Variants in RAPGEF2 observed in about 807,000 individuals in gnomAD.
RAPGEF2 encodes the protein PDZ domain containing guanine nucleotide exchange factor (GEF) 1.
In RAPGEF2, 54 loss-of-function variants were observed where a neutral mutation model predicts 186.7. The observed-to-expected ratio is 0.29, with a 90% CI of 0.23 to 0.36. The LOEUF (loss-of-function observed/expected upper bound fraction) is 0.36. Among genes scored for constraint, RAPGEF2 ranks in the 10% least tolerant of loss-of-function variants. RAPGEF2 has a pLI of 1.00. For missense variants in RAPGEF2, 1,532 were observed against 2,045.0 expected (o/e 0.75, Z 4.84); for synonymous variants, 712 against 705.9 (o/e 1.01, Z -0.14).
chr4:159,196,098 A>G lies in RAPGEF2; in HGVS notation c.197+2842A>G, dbSNP rs572435602. On this transcript the variant is annotated intron_variant, in intron 3 of 29. Transcript: ENST00000691494. ...AAAGTCTTTGGATATTCCACAAATT[A>G]TGATTTCATAAGGCCCAAAATTCAG... is the stretch of plus-strand genomic sequence containing the variant. Among the ~76,000 whole-genome samples, 8 of 152,268 alleles carry G rather than the reference A, an allele frequency of 5.3e-5. No individual in the cohort carries two copies. In the South Asian group the frequency reaches 1.7e-3, roughly 32 times the overall value.
At chr4:159,299,565 A>G (rs766881710) in intron 7 of RAPGEF2, among the ~76,000 whole-genome samples, 1 of 152,106 alleles carries the variant, frequency 6.6e-6, no homozygotes, top group Non-Finnish European at 1.5e-5. Flanking sequence ...ACGGAAAGGA[A>G]GAAGAAGGGC....
intron 7 of RAPGEF2, among the ~76,000 whole-genome samples, chr4:159,244,757 G>A (rs751628439): frequency 1.3e-4 from 19 of 151,740 alleles, no homozygotes; most frequent in Non-Finnish European, 2.5e-4. Flanking sequence ...ATAATTTTTC[G>A]AATTAAAATG....
chr4:159,289,905 T>C (rs1760972097), intron 7 of RAPGEF2, among the ~76,000 whole-genome samples: 1 of 152,044 alleles, frequency 6.6e-6, no homozygotes, highest in South Asian at 2.1e-4. Context: ...TAGATTTATA[T>C]ATTTAGTACA....
chr4:159,306,055 T>A (rs1041863251), intron 8 of RAPGEF2, among the ~76,000 whole-genome samples: 1 of 151,190 alleles, frequency 6.6e-6, no homozygotes, highest in Non-Finnish European at 1.5e-5. Context: ...GTTTTAGTTA[T>A]TATAACCTTG....
chr4:159,182,402 T>A (rs556438783), intron 1 of RAPGEF2, among the ~76,000 whole-genome samples: 3,514 of 142,194 alleles, frequency 0.025, 152 homozygotes, highest in African/African-American at 0.087. Context: ...TTTTTTTTTT[T>A]TTTTTTTTTT....
chr4:159,298,721 T>G (rs1452270936), intron 7 of RAPGEF2, among the ~76,000 whole-genome samples: 2 of 152,168 alleles, frequency 1.3e-5, no homozygotes, highest in Non-Finnish European at 2.9e-5. Flanking sequence ...CTGGGTGAGT[T>G]TGGCCACGAA....
At chr4:159,160,341 A>G (rs1051236208) in intron 1 of RAPGEF2, among the ~76,000 whole-genome samples, 11 of 152,216 alleles carry the variant, frequency 7.2e-5, no homozygotes, top group African/African-American at 2.7e-4. Context: ...CTCCCAACCC[A>G]GTGAAGAACA....
rs374420269 is a variant in RAPGEF2, at chr4:159,268,257, T to C, written c.543+24466T>C. On this transcript the variant is annotated intron_variant, in intron 7 of 29. Coordinates refer to ENST00000691494, the MANE Select transcript of RAPGEF2 (RefSeq NM_001394067.2). ...CTGCTTGTGCTTTGATAGCACGTCA[T>C]AGAGAACTGCTTTAAAATGGGAATT... 78 of 1,432,254 alleles carry C rather than the reference T, an allele frequency of 5.4e-5. No individual in the cohort carries two copies. The African/African-American group carries it at 8.4e-4, about 16-fold the overall frequency. The allele number at this position is 1,432,254 out of a possible 1,614,324, so 88.7% of individuals were successfully genotyped here.
chr4:159,295,750 TGTGTGCGCGCGC>T (rs1201588618), intron 7 of RAPGEF2, among the ~76,000 whole-genome samples: 9 of 104,564 alleles, frequency 8.6e-5, no homozygotes, highest in African/African-American at 1.9e-4. Flanking sequence ...TGTGTGTGTG[TGTGTGCGCGCGC>T]GCGCGCGCGC....
At chr4:159,126,378 T>C (rs1262840933) in intron 1 of RAPGEF2, among the ~76,000 whole-genome samples, 1 of 152,160 alleles carries the variant, frequency 6.6e-6, no homozygotes, top group Non-Finnish European at 1.5e-5. Context: ...TCATCATTCT[T>C]ACCAAGCTGG....
At chr4:159,173,308 C>A (rs745886416) in intron 1 of RAPGEF2, among the ~76,000 whole-genome samples, 1 of 152,076 alleles carries the variant, frequency 6.6e-6, no homozygotes, top group Non-Finnish European at 1.5e-5. Context: ...TGACCTATTC[C>A]GCTTTGCTTT....
chr4:159,108,383 C>CTTTT (rs35882271), intron 1 of RAPGEF2, among the ~76,000 whole-genome samples: 60 of 107,470 alleles, frequency 5.6e-4, no homozygotes, highest in East Asian at 1.3e-3. Context: ...ACAGAACTTT[C>CTTTT]TTTTTTTTTT....
chr4:159,340,990 TA>T (rs1260638843), intron 19 of RAPGEF2, among the ~76,000 whole-genome samples: 1 of 152,222 alleles, frequency 6.6e-6, no homozygotes, highest in Non-Finnish European at 1.5e-5. Context: ...GTAGAGTTTT[TA>T]TGAAAATCCA....
At chr4:159,322,541 A>T (rs947156935) in intron 10 of RAPGEF2, 58 bp downstream of exon 10, 5 of 1,454,770 alleles carry the variant, frequency 3.4e-6, no homozygotes, top group Non-Finnish European at 4.8e-6. Flanking sequence ...TCAATACAGC[A>T]ATTGAACAAA....
chr4:159,168,650 A>G (rs1409047933), intron 1 of RAPGEF2, among the ~76,000 whole-genome samples: 3 of 152,208 alleles, frequency 2.0e-5, no homozygotes, highest in Admixed American at 1.3e-4. Flanking sequence ...GTAAAAGGGT[A>G]TACTTTGAAA....
chr4:159,164,662 T>A (rs943542393), intron 1 of RAPGEF2, among the ~76,000 whole-genome samples: 3 of 152,194 alleles, frequency 2.0e-5, no homozygotes, highest in Non-Finnish European at 4.4e-5. Flanking sequence ...TACATTCATA[T>A]AATGTGGGTG....
chr4:159,115,788 A>G (rs776555433), intron 1 of RAPGEF2, among the ~76,000 whole-genome samples: 2 of 152,214 alleles, frequency 1.3e-5, no homozygotes, highest in Non-Finnish European at 2.9e-5. Context: ...CCACACACCT[A>G]CAACCATCTG....
chr4:159,303,128 T>G (rs750351379), intron 7 of RAPGEF2, among the ~76,000 whole-genome samples: 1 of 152,152 alleles, frequency 6.6e-6, no homozygotes, highest in Non-Finnish European at 1.5e-5. Context: ...ATTCAGACAG[T>G]AGGTCTGAAT....
chr4:159,155,462 A>G (rs949152742), intron 1 of RAPGEF2, among the ~76,000 whole-genome samples: 3 of 152,210 alleles, frequency 2.0e-5, no homozygotes, highest in African/African-American at 7.2e-5. Flanking sequence ...GAAGAAATAC[A>G]GTTAATGGAA....
Sources: gnomAD v4.1 joint callset for allele counts (sites outside exome capture counted in the v4.1 genomes callset) on GRCh38, gnomAD v4.1.1 for gene constraint, MANE v1.5 for transcripts, NCBI Gene and HGNC (gene_info 2026-07-23, HGNC 2026-07-21) for gene names.